PRICKLE1: variants seen among roughly 807,000 people sequenced by gnomAD.
PRICKLE1 encodes prickle-like protein 1.
PRICKLE1 carries 14 observed loss-of-function variants against 70.2 expected under a neutral mutation model. The ratio of observed to expected loss-of-function variants is 0.20; its 90% CI spans 0.13 to 0.31. PRICKLE1 has a LOEUF of 0.31. PRICKLE1 is among the 10% of genes least tolerant of loss of function. The pLI is 1.00. For synonymous variants in PRICKLE1, 357 were observed against 379.9 expected (o/e 0.94, Z 0.70); for missense variants, 821 against 1,026.2 (o/e 0.80, Z 2.73).
chr12:42,474,956 A>G (rs1445795549), intron 1 of PRICKLE1, among the ~76,000 whole-genome samples: 11 of 152,402 alleles, frequency 7.2e-5, no homozygotes, highest in African/African-American at 2.4e-4. Context: ...TTTCCAAGCC[A>G]GCACAAAGAT....
At position 42,580,891 on chromosome 12, in the gene PRICKLE1, A is replaced by C. The variant is rs149510514; in HGVS notation, c.-49+8574T>G. Among the ~76,000 whole-genome samples, 7 of 152,184 alleles carry C rather than the reference A, an allele frequency of 4.6e-5. No individual in the cohort carries two copies. In the East Asian group the frequency reaches 1.4e-3, roughly 29 times the overall value. On this transcript the variant is annotated intron_variant, in intron 1 of 7. Transcript: ENST00000345127. ...GAATGAACAAAAGAGAAAGGAAGGA[A>C]GGACGGAAGGAAGGACGGAAGGACG... is the stretch of plus-strand genomic sequence containing the variant.
chr12:42,470,183 T>A, intron 3 of PRICKLE1, 63 bp downstream of exon 3: 1 of 1,200,068 alleles, frequency 8.3e-7, no homozygotes, highest in Non-Finnish European at 1.2e-6. Flanking sequence ...ATGAGCAGCA[T>A]CTCAATGCTT....
chr12:42,575,155 G>A (rs1004382578), intron 1 of PRICKLE1, among the ~76,000 whole-genome samples: 1 of 151,762 alleles, frequency 6.6e-6, no homozygotes, highest in Non-Finnish European at 1.5e-5. Flanking sequence ...GAGTAAATAA[G>A]TTCAGATTGT....
At chr12:42,577,190 T>A (rs1237863777) in intron 1 of PRICKLE1, among the ~76,000 whole-genome samples, 1 of 152,238 alleles carries the variant, frequency 6.6e-6, no homozygotes, top group Non-Finnish European at 1.5e-5. Context: ...ATTGTCCACA[T>A]TTCCCATGTA....
At chr12:42,513,400 T>TCAA (rs1340111377) in intron 1 of PRICKLE1, among the ~76,000 whole-genome samples, 2 of 152,124 alleles carry the variant, frequency 1.3e-5, no homozygotes, top group African/African-American at 4.8e-5. Context: ...CAATTAATAT[T>TCAA]TGTTAAATGA....
chr12:42,529,381 ATAAATTTTAGTACTTC>A (rs148655291), intron 1 of PRICKLE1, among the ~76,000 whole-genome samples: 2,230 of 152,364 alleles, frequency 0.015, 20 homozygotes, highest in Non-Finnish European at 0.023. Flanking sequence ...AGCCTTTAAA[ATAAATTTTAGTACTTC>A]TAACTGCCAG....
intron 1 of PRICKLE1, among the ~76,000 whole-genome samples, chr12:42,585,681 G>A (rs907524946): frequency 3.3e-5 from 5 of 152,304 alleles, no homozygotes; most frequent in African/African-American, 9.6e-5. Context: ...GAGGGGAAGT[G>A]GGGGGAAATA....
intron 7 of PRICKLE1, 38 bp from the exon 8 acceptor site, chr12:42,460,703 A>G: frequency 6.2e-7 from 1 of 1,600,812 alleles, no homozygotes; most frequent in Middle Eastern, 1.7e-4. Context: ...CTTCTCAATC[A>G]TCCTAATATT....
Position 42,522,737 on chromosome 12 carries a change from G to GT in PRICKLE1, c.-48-50174dup, listed in dbSNP as rs151035756. ...TACTTTGGTGGCTAGACAAAGTTTTGTTTTTTCCATTAGCAAATAGAATCT... is the reference window on the plus strand; with the variant it reads ...TACTTTGGTGGCTAGACAAAGTTTTGTTTTTTTCCATTAGCAAATAGAATCT... On this transcript the variant is annotated intron_variant, in intron 1 of 7. Transcript: ENST00000345127. Among the ~76,000 whole-genome samples the GT allele has an allele frequency of 7.6e-3, 1,157 of 152,146 alleles. 18 individuals carry two copies. Among genetic ancestry groups the GT allele is most frequent in the African/African-American group, 0.026 (1,093 of 41,514 alleles).
intron 1 of PRICKLE1, among the ~76,000 whole-genome samples, chr12:42,510,081 A>T (rs1343338831): frequency 6.6e-6 from 1 of 151,346 alleles, no homozygotes; most frequent in Non-Finnish European, 1.5e-5. Context: ...TCAAAAAAAA[A>T]AAAGATTATT....
intron 1 of PRICKLE1, among the ~76,000 whole-genome samples, chr12:42,518,490 A>G (rs1461410183): frequency 6.6e-6 from 1 of 152,162 alleles, no homozygotes; most frequent in Non-Finnish European, 1.5e-5. Context: ...TGAAATTCAT[A>G]TGTTGTGAAT....
At position 42,574,738 on chromosome 12, in the gene PRICKLE1, C is replaced by T. The variant is rs566908855; in HGVS notation, c.-49+14727G>A. Among the ~76,000 whole-genome samples, 6 of 152,240 alleles carry T rather than the reference C, an allele frequency of 3.9e-5. No individual in the cohort carries two copies. In the South Asian group the frequency reaches 1.2e-3, roughly 32 times the overall value. Reference sequence around the variant, plus strand: ...AAAACAAACGAATAAACATGATTTGCTTTTAAAAGTACAGTATTTATACCG... The same window carrying T: ...AAAACAAACGAATAAACATGATTTGTTTTTAAAAGTACAGTATTTATACCG... On this transcript the variant is annotated intron_variant, in intron 1 of 7. Transcript: ENST00000345127.
At chr12:42,557,776 T>C (rs1940436208) in intron 1 of PRICKLE1, among the ~76,000 whole-genome samples, 1 of 152,226 alleles carries the variant, frequency 6.6e-6, no homozygotes, top group African/African-American at 2.4e-5. Flanking sequence ...CTGTTTTATG[T>C]AACCATGCAG....
At chr12:42,585,680 T>TG (rs1396473260) in intron 1 of PRICKLE1, among the ~76,000 whole-genome samples, 1 of 152,014 alleles carries the variant, frequency 6.6e-6, no homozygotes, top group African/African-American at 2.4e-5. Context: ...AGAGGGGAAG[T>TG]GGGGGGAAAT....
At chr12:42,462,008 C>T (rs916924196) in intron 7 of PRICKLE1, among the ~76,000 whole-genome samples, 3 of 151,940 alleles carry the variant, frequency 2.0e-5, no homozygotes, top group East Asian at 2.0e-4. Context: ...CTGTGTTAGC[C>T]AGGATGGTCT....
intron 1 of PRICKLE1, among the ~76,000 whole-genome samples, chr12:42,546,287 G>A (rs545672136): frequency 6.6e-6 from 1 of 152,192 alleles, no homozygotes; most frequent in Admixed American, 6.5e-5. Flanking sequence ...GAAAAGGACT[G>A]GTAATCAATC....
rs566073131 is a variant in PRICKLE1 at position 42,472,492 on chromosome 12, T to C, written c.25A>G (p.Met9Val). The change falls in exon 2 of 8, where the codon ATG becomes GTG. Residue 9 changes from methionine to valine, a missense_variant. Physicochemically the swap from Met to Val is conservative, Grantham distance 21. Coordinates refer to ENST00000345127, the MANE Select transcript of PRICKLE1 (RefSeq NM_153026.3). ...TGACAGCCAAAGGCCAGTTTGCTCA[T>C]CTTGGGCTCCATCTCCAAAGGCATA... MPLEMEPK[M>V]SKLAFGCQRS... 2.2e-5 allele frequency: 36 copies of C among 1,614,226 alleles called. No individual in the cohort carries two copies. The African/African-American group carries it at 4.3e-4, about 19-fold the overall frequency.
chr12:42,473,552 A>G (rs188778880), intron 1 of PRICKLE1, among the ~76,000 whole-genome samples: 52 of 152,302 alleles, frequency 3.4e-4, no homozygotes, highest in Non-Finnish European at 6.3e-4. Flanking sequence ...GGGCACAAAG[A>G]AAAAAATAAT....
At chr12:42,567,782 G>A (rs934722071) in intron 1 of PRICKLE1, among the ~76,000 whole-genome samples, 8 of 136,584 alleles carry the variant, frequency 5.9e-5, no homozygotes, top group African/African-American at 2.9e-5. Context: ...AGCCAAGATC[G>A]TGCCACTTCA....
Sources: gnomAD v4.1 joint callset for allele counts (sites outside exome capture counted in the v4.1 genomes callset) on GRCh38, gnomAD v4.1.1 for gene constraint, MANE v1.5 for transcripts, NCBI Gene and HGNC (gene_info 2026-07-23, HGNC 2026-07-21) for gene names.